Variants in PXYLP1 observed in about 807,000 individuals in gnomAD.
PXYLP1 encodes the protein acid phosphatase-like 2.
In PXYLP1, 17 loss-of-function variants were observed where a neutral mutation model predicts 37.9. The observed-to-expected ratio is 0.45, with a 90% CI of 0.31 to 0.67. The LOEUF (loss-of-function observed/expected upper bound fraction) is 0.67. Among genes scored for constraint, PXYLP1 ranks in the 30% least tolerant of loss-of-function variants. PXYLP1 has a pLI of 0.07. For synonymous variants in PXYLP1, 221 were observed against 232.2 expected (o/e 0.95, Z 0.44); for missense variants, 511 against 612.0 (o/e 0.84, Z 1.74).
intron 5 of PXYLP1, among the ~76,000 whole-genome samples, chr3:141,289,282 CAG>C (rs1942146787): frequency 3.3e-5 from 4 of 121,116 alleles, no homozygotes; most frequent in African/African-American, 1.7e-4. Context: ...GACACAAAAA[CAG>C]AATTAGATTC....
intron 4 of PXYLP1, among the ~76,000 whole-genome samples, chr3:141,286,797 A>T (rs1293552491): frequency 6.6e-6 from 1 of 152,190 alleles, no homozygotes; most frequent in Non-Finnish European, 1.5e-5. Flanking sequence ...CAGCAAGAAG[A>T]CCAATAAAGA....
At chr3:141,265,883 G>A (rs1941498538) in intron 2 of PXYLP1, among the ~76,000 whole-genome samples, 1 of 152,242 alleles carries the variant, frequency 6.6e-6, no homozygotes, top group Non-Finnish European at 1.5e-5. Context: ...CTCAGAGCAG[G>A]AAGGGAAGTG....
intron 1 of PXYLP1, among the ~76,000 whole-genome samples, chr3:141,257,248 G>A (rs1406511712): frequency 2.6e-5 from 4 of 152,208 alleles, no homozygotes; most frequent in African/African-American, 9.6e-5. Context: ...CCTCAGCAGG[G>A]ACTGCTTACC....
At chr3:141,284,352 A>G (rs1942023672) in intron 4 of PXYLP1, among the ~76,000 whole-genome samples, 1 of 150,412 alleles carries the variant, frequency 6.6e-6, no homozygotes, top group Non-Finnish European at 1.5e-5. Flanking sequence ...CCGGGCATAC[A>G]CATGATCAGA....
chr3:141,239,477 C>T (rs139285128), intron 1 of PXYLP1, among the ~76,000 whole-genome samples: 3 of 152,266 alleles, frequency 2.0e-5, no homozygotes, highest in Admixed American at 2.0e-4. Context: ...GTCTCATCCT[C>T]GGTTCACATA....
intron 2 of PXYLP1, among the ~76,000 whole-genome samples, chr3:141,276,435 A>G (rs1376239609): frequency 1.3e-5 from 2 of 152,212 alleles, no homozygotes; most frequent in Non-Finnish European, 2.9e-5. Context: ...AAAGAGGATT[A>G]TATCAGTATA....
chr3:141,278,268 GC>G (rs1576600410), intron 2 of PXYLP1, 73 bp from the exon 3 acceptor site: 1 of 1,547,726 alleles, frequency 6.5e-7, no homozygotes, highest in East Asian at 2.2e-5. Flanking sequence ...GTGAAATCCA[GC>G]CCTGCGCTGG....
At chr3:141,274,279 C>T (rs958443989) in intron 2 of PXYLP1, 1 of 1,329,204 alleles carries the variant, frequency 7.5e-7, no homozygotes, top group African/African-American at 1.5e-5. Flanking sequence ...TCTGCTCCTC[C>T]AGGCCCCTTC....
At chr3:141,234,902 C>T (rs185829479) in intron 1 of PXYLP1, 7 of 152,376 alleles carry the variant, frequency 4.6e-5, no homozygotes, top group African/African-American at 1.4e-4. Flanking sequence ...CTCAGAATTC[C>T]TGCAGCTGGT....
chr3:141,280,855 G>A (rs1042850404), intron 4 of PXYLP1, among the ~76,000 whole-genome samples: 1 of 152,182 alleles, frequency 6.6e-6, no homozygotes, highest in African/African-American at 2.4e-5. Flanking sequence ...CAGCAGGCAG[G>A]GTGCAGTGAG....
intron 2 of PXYLP1, among the ~76,000 whole-genome samples, chr3:141,263,183 G>A (rs1313805978): frequency 6.6e-6 from 1 of 152,220 alleles, no homozygotes; most frequent in Non-Finnish European, 1.5e-5. Context: ...AAAGTATGTA[G>A]TGAACCTACA....
At chr3:141,278,193 TG>T in intron 2 of PXYLP1, 148 bp from the exon 3 acceptor site, 1 of 859,626 alleles carries the variant, frequency 1.2e-6, no homozygotes, top group Non-Finnish European at 1.8e-6. Flanking sequence ...CCTTCTTGAA[TG>T]GGAAGCTGAC....
chr3:141,266,702 G>A (rs1941524472), intron 2 of PXYLP1, among the ~76,000 whole-genome samples: 1 of 142,400 alleles, frequency 7.0e-6, no homozygotes, highest in African/African-American at 2.6e-5. Flanking sequence ...GGGGGAGAGA[G>A]GGAGAGACGG....
intron 2 of PXYLP1, among the ~76,000 whole-genome samples, chr3:141,268,196 AGAGAGAGAGAGTGTGTGTGT>A (rs1463279537): frequency 0.02 from 1,117 of 55,850 alleles, 10 homozygotes; most frequent in African/African-American, 0.046. Flanking sequence ...AGAGAGAGAG[AGAGAGAGAGAGTGTGTGTGT>A]GTGTGTGTGT....
chr3:141,240,391 T>G (rs7629077), intron 1 of PXYLP1, among the ~76,000 whole-genome samples: 128,217 of 151,942 alleles, frequency 0.84, 54,635 homozygotes, highest in African/African-American at 0.96. Flanking sequence ...TCCAAGAGGA[T>G]ATTCAGGGAC....
intron 2 of PXYLP1, among the ~76,000 whole-genome samples, chr3:141,275,778 A>C (rs1052102869): frequency 5.5e-5 from 7 of 126,398 alleles, no homozygotes; most frequent in Non-Finnish European, 9.7e-5. Context: ...CAAGTAATGA[A>C]GGGAAATACG....
chr3:141,254,790 C>T (rs1941228587), intron 1 of PXYLP1, among the ~76,000 whole-genome samples: 1 of 152,008 alleles, frequency 6.6e-6, no homozygotes, highest in South Asian at 2.1e-4. Context: ...TAGAATACAT[C>T]TGAAGCATTT....
intron 2 of PXYLP1, among the ~76,000 whole-genome samples, chr3:141,263,863 T>C (rs72982516): frequency 0.027 from 4,109 of 152,310 alleles, 174 homozygotes; most frequent in African/African-American, 0.086. Flanking sequence ...CATGGAAGCA[T>C]AGCCAACATA....
At chr3:141,248,588 C>CACACATGTGTATATGTATAT (rs1941029229) in intron 1 of PXYLP1, among the ~76,000 whole-genome samples, 2 of 50,940 alleles carry the variant, frequency 3.9e-5, no homozygotes, top group African/African-American at 1.8e-4. Flanking sequence ...TGTATATATA[C>CACACATGTGTATATGTATAT]ACACACGTGT....
Sources: gnomAD v4.1 joint callset for allele counts (sites outside exome capture counted in the v4.1 genomes callset) on GRCh38, gnomAD v4.1.1 for gene constraint, MANE v1.5 for transcripts, NCBI Gene and HGNC (gene_info 2026-07-23, HGNC 2026-07-21) for gene names.